Variants in ZBTB20 observed in about 807,000 individuals in gnomAD.
The protein encoded by ZBTB20 is zinc finger and BTB domain containing 20.
Under a neutral mutation model 56.9 loss-of-function variants are expected in ZBTB20, and 9 were observed. The ratio of observed to expected loss-of-function variants is 0.16; its 90% CI spans 0.10 to 0.28. The LOEUF is 0.28. Among genes scored for constraint, ZBTB20 ranks in the 10% least tolerant of loss-of-function variants. The pLI is 1.00. For missense variants in ZBTB20, 655 were observed against 1,003.0 expected (o/e 0.65, Z 4.69); for synonymous variants, 417 against 420.7 (o/e 0.99, Z 0.11).
chr3:114,748,279 C>CTTTCTTTCTTTCT (rs1553807144), intron 5 of ZBTB20, among the ~76,000 whole-genome samples: 18 of 104,534 alleles, frequency 1.7e-4, no homozygotes, highest in East Asian at 6.1e-4. Context: ...TTTGTTGTAG[C>CTTTCTTTCTTTCT]TTCTTTCTTT....
chr3:114,806,157 T>C (rs1180509039), intron 4 of ZBTB20, among the ~76,000 whole-genome samples: 1 of 151,900 alleles, frequency 6.6e-6, no homozygotes, highest in African/African-American at 2.4e-5. Context: ...ATTTTAACTT[T>C]TAAGAAACTT....
intron 2 of ZBTB20, among the ~76,000 whole-genome samples, chr3:115,055,183 G>A (rs1387678345): frequency 1.1e-4 from 4 of 36,728 alleles, no homozygotes; most frequent in African/African-American, 2.8e-4. Flanking sequence ...GCTCCCTCCT[G>A]GTAATCTCTC....
Position 114,351,466 on chromosome 3 carries a change from G to A in ZBTB20, c.612C>T (p.Ile204=), listed in dbSNP as rs748517706. Reference sequence around the variant, plus strand: ...GCGGCGTGTCCTGGCCCGAGTCCTGGATCCCCGGGAACACATCGCCCACGT... The same window carrying A: ...GCGGCGTGTCCTGGCCCGAGTCCTGAATCCCCGGGAACACATCGCCCACGT... ...SQNVGDVFPG[I]QDSGQDTPRG... is the part of the protein sequence containing the mutation. The change falls in exon 11 of 12, where the codon ATC becomes ATT. Residue 204 remains isoleucine, a synonymous_variant. Coordinates refer to ENST00000675478, the MANE Select transcript of ZBTB20 (RefSeq NM_001348800.3). 1 of 1,613,834 alleles carries A rather than the reference G, an allele frequency of 6.2e-7. No homozygotes were observed. The highest frequency in any genetic ancestry group is 8.5e-7 in the Non-Finnish European group (1 of 1,180,012).
intron 6 of ZBTB20, among the ~76,000 whole-genome samples, chr3:114,622,418 A>G (rs1211510605): frequency 3.3e-5 from 5 of 152,210 alleles, no homozygotes; most frequent in Admixed American, 2.0e-4. Flanking sequence ...TACTATTAAT[A>G]TAACATTAAA....
At chr3:114,409,204 C>T (rs1169447433) in intron 7 of ZBTB20, among the ~76,000 whole-genome samples, 1 of 123,326 alleles carries the variant, frequency 8.1e-6, no homozygotes, top group Non-Finnish European at 1.6e-5. Context: ...AAACTCCGTT[C>T]TGAAGATACC....
At chr3:114,602,338 A>G (rs1338319024) in intron 6 of ZBTB20, among the ~76,000 whole-genome samples, 3 of 152,046 alleles carry the variant, frequency 2.0e-5, no homozygotes, top group African/African-American at 7.2e-5. Context: ...GTGATTGGTT[A>G]CTTATATATG....
intron 5 of ZBTB20, among the ~76,000 whole-genome samples, chr3:114,754,079 A>T (rs1472213667): frequency 6.6e-6 from 1 of 152,100 alleles, no homozygotes; most frequent in East Asian, 1.9e-4. Flanking sequence ...GTTGATACTC[A>T]ATTTCTGGCG....
chr3:115,090,697 C>CT (rs1273109345), intron 1 of ZBTB20, among the ~76,000 whole-genome samples: 1 of 151,672 alleles, frequency 6.6e-6, no homozygotes, highest in Non-Finnish European at 1.5e-5. Flanking sequence ...TATTTGTATA[C>CT]TACTTTACTA....
intron 6 of ZBTB20, among the ~76,000 whole-genome samples, chr3:114,690,481 T>C (rs2108308647): frequency 6.6e-6 from 1 of 152,234 alleles, no homozygotes; most frequent in Admixed American, 6.6e-5. Context: ...CAGATACAGG[T>C]TCTCTACAGA....
At chr3:114,712,512 GT>G (rs2064156045) in intron 5 of ZBTB20, among the ~76,000 whole-genome samples, 1 of 151,930 alleles carries the variant, frequency 6.6e-6, no homozygotes, top group Admixed American at 6.6e-5. Context: ...AATTAGCCGG[GT>G]GTGGTGGCGC....
intron 7 of ZBTB20, among the ~76,000 whole-genome samples, chr3:114,432,291 T>C (rs376942506): frequency 1.3e-5 from 2 of 152,184 alleles, no homozygotes; most frequent in African/African-American, 4.8e-5. Context: ...TGAAATACCA[T>C]TTCTCAGTGC....
chr3:114,575,504 C>G (rs569848810), intron 6 of ZBTB20, among the ~76,000 whole-genome samples: 2 of 151,032 alleles, frequency 1.3e-5, no homozygotes, highest in Admixed American at 6.6e-5. Flanking sequence ...TTAATCATAT[C>G]AATAAAAAAT....
chr3:114,637,845 T>C (rs901707383), intron 6 of ZBTB20, among the ~76,000 whole-genome samples: 11 of 152,122 alleles, frequency 7.2e-5, no homozygotes, highest in Non-Finnish European at 1.5e-5. Context: ...ATTTTATTGA[T>C]TGAATTCCTT....
chr3:114,888,544 T>C (rs908913067), intron 4 of ZBTB20, among the ~76,000 whole-genome samples: 1 of 152,250 alleles, frequency 6.6e-6, no homozygotes, highest in Non-Finnish European at 1.5e-5. Context: ...AAATTATTTA[T>C]GTTCCTGAAG....
intron 6 of ZBTB20, among the ~76,000 whole-genome samples, chr3:114,532,186 C>G (rs187060712): frequency 1.3e-4 from 20 of 152,306 alleles, no homozygotes; most frequent in Non-Finnish European, 2.5e-4. Flanking sequence ...GCCAAGTGGT[C>G]TAGCTCAGTG....
At chr3:114,763,405 T>C (rs961246847) in intron 5 of ZBTB20, among the ~76,000 whole-genome samples, 15 of 152,214 alleles carry the variant, frequency 9.9e-5, no homozygotes, top group Non-Finnish European at 1.3e-4. Context: ...TGCTTTTCTA[T>C]GTCTCAGTTT....
chr3:114,842,282 TG>T (rs1386711890), intron 4 of ZBTB20, among the ~76,000 whole-genome samples: 6 of 152,154 alleles, frequency 3.9e-5, no homozygotes, highest in African/African-American at 1.4e-4. Context: ...GAAGTTTTTT[TG>T]CATTATATTA....
intron 2 of ZBTB20, among the ~76,000 whole-genome samples, chr3:115,042,451 G>T (rs935678793): frequency 6.6e-6 from 1 of 152,122 alleles, no homozygotes; most frequent in Admixed American, 6.5e-5. Context: ...AAAAAGAATA[G>T]AGCTCATTTT....
intron 7 of ZBTB20, among the ~76,000 whole-genome samples, chr3:114,408,114 A>G (rs992719999): frequency 1.3e-5 from 2 of 152,194 alleles, no homozygotes; most frequent in African/African-American, 4.8e-5. Context: ...AACTGATGAA[A>G]TTTTACAAAA....
Sources: gnomAD v4.1 joint callset for allele counts (sites outside exome capture counted in the v4.1 genomes callset) on GRCh38, gnomAD v4.1.1 for gene constraint, MANE v1.5 for transcripts, NCBI Gene and HGNC (gene_info 2026-07-23, HGNC 2026-07-21) for gene names.